Variants in BCR observed in about 807,000 individuals in gnomAD.
BCR encodes the protein breakpoint cluster region protein.
Under a neutral mutation model 138.6 loss-of-function variants are expected in BCR, and 58 were observed. The ratio of observed to expected loss-of-function variants is 0.42; its 90% CI spans 0.34 to 0.52. The LOEUF (loss-of-function observed/expected upper bound fraction) is 0.52, where lower values mean the gene tolerates loss of function less well. Ranked by LOEUF, BCR falls within the 20% of genes least tolerant of loss-of-function variation. BCR has a pLI of 0.06. For synonymous variants in BCR, 786 were observed against 730.1 expected (o/e 1.08, Z -1.23); for missense variants, 1,599 against 1,727.2 (o/e 0.93, Z 1.32).
intron 1 of BCR, among the ~76,000 whole-genome samples, chr22:23,236,599 T>A (rs958062370): frequency 3.3e-5 from 5 of 152,206 alleles, no homozygotes; most frequent in Non-Finnish European, 7.3e-5. Context: ...GGAGGAGTCA[T>A]GTGGGCAGAG....
At chr22:23,208,849 C>T (rs960712634) in intron 1 of BCR, among the ~76,000 whole-genome samples, 6 of 151,072 alleles carry the variant, frequency 4.0e-5, no homozygotes, top group African/African-American at 9.7e-5. Flanking sequence ...AGCGAGACTC[C>T]GTCTAAAAAC....
chr22:23,240,655 GAAAA>G (rs778252088), intron 1 of BCR, among the ~76,000 whole-genome samples: 32 of 142,170 alleles, frequency 2.3e-4, no homozygotes, highest in Non-Finnish European at 3.7e-4. Context: ...GTCTCAAAAA[GAAAA>G]AAAAAAGAAA....
chr22:23,292,759 A>G, intron 15 of BCR, 121 bp downstream of exon 15: 1 of 762,270 alleles, frequency 1.3e-6, no homozygotes, highest in Non-Finnish European at 2.1e-6. Context: ...GTGCTGCTGA[A>G]TTCCAGGAAT....
At chr22:23,269,954 G>A (rs1030409390) in intron 5 of BCR, among the ~76,000 whole-genome samples, 1 of 152,150 alleles carries the variant, frequency 6.6e-6, no homozygotes, top group Admixed American at 6.5e-5. Flanking sequence ...CTGAGCCATG[G>A]TTGAGATGCA....
chr22:23,265,917 A>C (rs942548227), intron 4 of BCR, among the ~76,000 whole-genome samples: 2 of 152,230 alleles, frequency 1.3e-5, no homozygotes, highest in Non-Finnish European at 2.9e-5. Flanking sequence ...TATGTAGTTC[A>C]TATAAACTTC....
chr22:23,261,146 C>G, intron 3 of BCR, 92 bp downstream of exon 3: 1 of 1,369,170 alleles, frequency 7.3e-7, no homozygotes. Flanking sequence ...GGTCAGCTGT[C>G]AGAGCCTGGG....
In BCR at chr22:23,315,769, A is replaced by T; in HGVS notation, c.*247A>T. On this transcript the variant is annotated 3_prime_UTR_variant, in exon 23 of 23. Transcript: ENST00000305877. ...TGGCCACCTGAGGGCGCCCCAAGCCAGTTCATCTCGGAGTCCAGGCCTGGC... is the reference window on the plus strand; with the variant it reads ...TGGCCACCTGAGGGCGCCCCAAGCCTGTTCATCTCGGAGTCCAGGCCTGGC... The T allele has an allele frequency of 1.7e-6, 1 of 598,890 alleles. No homozygotes were observed. 37.1% of individuals were successfully genotyped at this position (598,890 alleles called of 1,614,324 possible).
intron 1 of BCR, among the ~76,000 whole-genome samples, chr22:23,239,864 G>C (rs1331838106): frequency 6.6e-6 from 1 of 151,980 alleles, no homozygotes; most frequent in Non-Finnish European, 1.5e-5. Flanking sequence ...CCAGTCCCAG[G>C]CTGCAGTGCA....
chr22:23,233,045 A>G (rs183888660), intron 1 of BCR, among the ~76,000 whole-genome samples: 2 of 152,340 alleles, frequency 1.3e-5, no homozygotes, highest in Admixed American at 1.3e-4. Context: ...CTTTGGATAG[A>G]AGCATCTTTC....
chr22:23,245,874 G>A (rs115735472), intron 1 of BCR, among the ~76,000 whole-genome samples: 2,248 of 151,896 alleles, frequency 0.015, 50 homozygotes, highest in African/African-American at 0.052. Flanking sequence ...GAACAATTCC[G>A]TGGCTTTTAG....
intron 1 of BCR, among the ~76,000 whole-genome samples, chr22:23,219,468 C>T (rs1276943222): frequency 6.6e-6 from 1 of 152,198 alleles, no homozygotes; most frequent in East Asian, 1.9e-4. Flanking sequence ...CCACCCTTGG[C>T]CTCTGTCCCT....
chr22:23,272,017 G>A (rs1038823246), intron 6 of BCR, among the ~76,000 whole-genome samples: 1 of 152,038 alleles, frequency 6.6e-6, no homozygotes, highest in African/African-American at 2.4e-5. Context: ...ATAGAGATGG[G>A]GTTTCCCTCC....
chr22:23,244,298 T>C (rs1328550466), intron 1 of BCR, among the ~76,000 whole-genome samples: 1 of 152,170 alleles, frequency 6.6e-6, no homozygotes, highest in Non-Finnish European at 1.5e-5. Flanking sequence ...AGCCTTTAAC[T>C]TCATTACATC....
In BCR at chr22:23,208,787, G is replaced by A. The variant is rs78555115; in HGVS notation, c.1279+26548G>A. Among the ~76,000 whole-genome samples the A allele has an allele frequency of 1.2e-3, 178 of 151,286 alleles. 2 individuals are homozygous for A. The East Asian group carries it at 0.031, about 27-fold the overall frequency. ...GGAGAATCGCTTGAACCCGGGAGGC[G>A]GAGGTTGCAGCGAACTGAGATCGGT... On this transcript the variant is annotated intron_variant, in intron 1 of 22. Transcript: ENST00000305877.
At chr22:23,279,835 A>T (rs1051588556) in intron 8 of BCR, among the ~76,000 whole-genome samples, 1 of 152,180 alleles carries the variant, frequency 6.6e-6, no homozygotes, top group Non-Finnish European at 1.5e-5. Context: ...ACAAAGTATC[A>T]TCTGCTGAGA....
chr22:23,294,947 C>T (rs2073828677), intron 15 of BCR, 77 bp from the exon 16 acceptor site: 3 of 1,554,112 alleles, frequency 1.9e-6, no homozygotes, highest in South Asian at 1.2e-5. Flanking sequence ...AGGGAGAGCC[C>T]CGGTTCAGAG....
At position 23,181,037 on chromosome 22, in the gene BCR, G is replaced by A; in HGVS notation, c.77G>A (p.Arg26His). 3 of 1,519,462 alleles carry A rather than the reference G, an allele frequency of 2.0e-6. No homozygotes were observed. Among genetic ancestry groups the A allele is most frequent in the African/African-American group, 1.4e-5 (1 of 70,566 alleles). The allele number at this position is 1,519,462 out of a possible 1,614,324, so 94.1% of individuals were successfully genotyped here. A position where few individuals can be genotyped will look rare whatever the true frequency, so the allele number is the denominator to read the frequency against. ...PDSEPPRMEL[R>H]SVGDIEQELE... ...TCAGAGCCCCCGCGCATGGAGCTGCGCTCAGTGGGCGACATCGAGCAGGAG... is the reference window on the plus strand; with the variant it reads ...TCAGAGCCCCCGCGCATGGAGCTGCACTCAGTGGGCGACATCGAGCAGGAG... The change falls in exon 1 of 23, where the codon CGC becomes CAC. Residue 26 changes from arginine to histidine, a missense_variant. By Grantham distance (29) the Arg-to-His change is conservative (BLOSUM62 0). Transcript: ENST00000305877.
chr22:23,289,867 C>A, intron 13 of BCR: 1 of 562,730 alleles, frequency 1.8e-6, no homozygotes. Context: ...TTCCTAGTCA[C>A]AAGGCTGCAG....
At chr22:23,198,264 G>T (rs372391010) in intron 1 of BCR, 2 of 451,494 alleles carry the variant, frequency 4.4e-6, no homozygotes, top group Non-Finnish European at 8.8e-6. Flanking sequence ...AGTGCTCCCC[G>T]AGTGTCCACC....
Sources: allele counts gnomAD v4.1 joint callset (sites outside exome capture counted in the v4.1 genomes callset), GRCh38; gene constraint gnomAD v4.1.1; transcripts MANE v1.5; gene names NCBI Gene and HGNC (gene_info 2026-07-23, HGNC 2026-07-21).